The following THSD4 variants were observed in gnomAD, a reference collection of about 807,000 sequenced individuals.
THSD4 encodes the protein thrombospondin type-1 domain-containing protein 4.
A neutral mutation model predicts 119.0 loss-of-function variants in THSD4; 69 were observed. The observed-to-expected ratio is 0.58, with a 90% confidence interval of 0.48 to 0.71. The LOEUF (loss-of-function observed/expected upper bound fraction) is 0.71. THSD4 is among the 30% of genes least tolerant of loss of function. The probability of loss-of-function intolerance (pLI) is 0.00; values close to 1 mark genes in which losing one functional copy is unlikely to be tolerated. For synonymous variants in THSD4, 524 were observed against 540.4 expected (o/e 0.97, Z 0.42); for missense variants, 1,393 against 1,391.1 (o/e 1.00, Z -0.02).
At chr15:71,626,006 C>T (rs1336237867) in intron 7 of THSD4, among the ~76,000 whole-genome samples, 1 of 152,212 alleles carries the variant, frequency 6.6e-6, no homozygotes, top group African/African-American at 2.4e-5. Context: ...TTTAGATCTT[C>T]TTTTACGTCC....
At chr15:71,735,138 G>C (rs2053057851) in intron 10 of THSD4, among the ~76,000 whole-genome samples, 1 of 152,072 alleles carries the variant, frequency 6.6e-6, no homozygotes, top group South Asian at 2.1e-4. Context: ...TATAAGGAAA[G>C]ATCTAGAGTC....
chr15:71,333,496 C>T (rs760246995), intron 6 of THSD4, among the ~76,000 whole-genome samples: 1 of 152,098 alleles, frequency 6.6e-6, no homozygotes, highest in Non-Finnish European at 1.5e-5. Flanking sequence ...TTTGGCTGAA[C>T]CTTTGTTTTT....
intron 6 of THSD4, among the ~76,000 whole-genome samples, chr15:71,379,749 C>G (rs533362740): frequency 1.3e-5 from 2 of 151,844 alleles, no homozygotes; most frequent in African/African-American, 4.8e-5. Context: ...TGAGCCACCG[C>G]GCCCGGCCAC....
intron 8 of THSD4, among the ~76,000 whole-genome samples, chr15:71,684,714 A>G (rs1293412074): frequency 1.3e-5 from 2 of 152,016 alleles, no homozygotes; most frequent in African/African-American, 4.8e-5. Flanking sequence ...TGTATTCCGA[A>G]GTGAGATTGG....
At chr15:71,683,590 C>G (rs781417567) in intron 8 of THSD4, among the ~76,000 whole-genome samples, 12 of 152,178 alleles carry the variant, frequency 7.9e-5, no homozygotes, top group Admixed American at 1.3e-4. Flanking sequence ...TTGTCAATGT[C>G]TTAAGGAATG....
intron 7 of THSD4, among the ~76,000 whole-genome samples, chr15:71,652,990 G>A (rs2051121836): frequency 6.6e-6 from 1 of 152,172 alleles, no homozygotes; most frequent in East Asian, 1.9e-4. Flanking sequence ...TATCAGGGCT[G>A]TATCTCTTTT....
intron 7 of THSD4, among the ~76,000 whole-genome samples, chr15:71,495,215 G>A (rs1486676973): frequency 6.6e-6 from 1 of 152,168 alleles, no homozygotes; most frequent in African/African-American, 2.4e-5. Context: ...AATTTGAATT[G>A]TTGGGTTACT....
chr15:71,405,473 G>A (rs1018300493), intron 6 of THSD4, among the ~76,000 whole-genome samples: 10 of 152,090 alleles, frequency 6.6e-5, no homozygotes, highest in African/African-American at 2.4e-4. Flanking sequence ...AATTGTCTTG[G>A]CACCTCTGTC....
chr15:71,771,271 G>C, intron 17 of THSD4, 63 bp downstream of exon 17: 1 of 1,590,258 alleles, frequency 6.3e-7, no homozygotes, highest in Non-Finnish European at 8.6e-7. Flanking sequence ...AGATTCTCCG[G>C]TGTGACAATA....
chr15:71,290,875 CTT>C (rs11438956), intron 6 of THSD4, among the ~76,000 whole-genome samples: 24 of 129,474 alleles, frequency 1.9e-4, no homozygotes, highest in African/African-American at 4.0e-4. Context: ...TCCTTTTTTC[CTT>C]TTTTTTTTTT....
chr15:71,214,301 G>A (rs2043911934), intron 3 of THSD4, among the ~76,000 whole-genome samples: 1 of 152,320 alleles, frequency 6.6e-6, no homozygotes, highest in Non-Finnish European at 1.5e-5. Context: ...AACTTGCTGA[G>A]GTATCTTTGT....
intron 7 of THSD4, among the ~76,000 whole-genome samples, chr15:71,560,951 T>C (rs2049103379): frequency 6.6e-6 from 1 of 150,548 alleles, no homozygotes; most frequent in African/African-American, 2.4e-5. Context: ...GTAAGTTCAC[T>C]AAGCATCATT....
At chr15:71,356,958 AC>A (rs757600548) in intron 6 of THSD4, among the ~76,000 whole-genome samples, 9 of 152,186 alleles carry the variant, frequency 5.9e-5, no homozygotes, top group Non-Finnish European at 1.0e-4. Context: ...GCAGAGAGAG[AC>A]CATGGCTGCG....
intron 6 of THSD4, among the ~76,000 whole-genome samples, chr15:71,337,693 G>A (rs1457802401): frequency 1.3e-5 from 2 of 149,948 alleles, no homozygotes; most frequent in Admixed American, 6.6e-5. Context: ...CCCTCAGCCA[G>A]GCTGGAAGAT....
At chr15:71,352,386 C>A (rs1468937418) in intron 6 of THSD4, among the ~76,000 whole-genome samples, 1 of 152,186 alleles carries the variant, frequency 6.6e-6, no homozygotes, top group Non-Finnish European at 1.5e-5. Flanking sequence ...GAGAAGCAGA[C>A]ATGTTTGTTT....
chr15:71,751,674 A>ATT (rs1477185071), intron 14 of THSD4, among the ~76,000 whole-genome samples: 2 of 151,440 alleles, frequency 1.3e-5, no homozygotes, highest in Admixed American at 1.3e-4. Context: ...TTTTATTTTT[A>ATT]TTTTTATTTT....
At chr15:71,235,573 C>A (rs958934621) in intron 4 of THSD4, among the ~76,000 whole-genome samples, 2 of 143,826 alleles carry the variant, frequency 1.4e-5, no homozygotes, top group Non-Finnish European at 3.0e-5. Context: ...GCAAGGAATG[C>A]CACCTCTCTC....
chr15:71,242,574 A>G (rs1417570995), intron 4 of THSD4, 75 bp from the exon 5 acceptor site: 1 of 1,496,950 alleles, frequency 6.7e-7, no homozygotes, highest in Non-Finnish European at 9.1e-7. Context: ...CCTCTCTACC[A>G]CGGACCAGAG....
chr15:71,659,009 C>G (rs1305631305), intron 7 of THSD4, among the ~76,000 whole-genome samples: 1 of 152,196 alleles, frequency 6.6e-6, no homozygotes, highest in Non-Finnish European at 1.5e-5. Flanking sequence ...ATAGGACCTA[C>G]CTGAAGAGAC....
Sources: gnomAD v4.1 joint callset for allele counts (sites outside exome capture counted in the v4.1 genomes callset) on GRCh38, gnomAD v4.1.1 for gene constraint, MANE v1.5 for transcripts, NCBI Gene and HGNC (gene_info 2026-07-23, HGNC 2026-07-21) for gene names.